HSP90AA1: variants seen among roughly 807,000 people sequenced by gnomAD.
The protein encoded by HSP90AA1 is heat shock protein 90 alpha family class A member 1.
A neutral mutation model predicts 73.3 loss-of-function variants in HSP90AA1; 18 were observed. The ratio of observed to expected loss-of-function variants is 0.25; its 90% CI spans 0.17 to 0.36. The LOEUF (loss-of-function observed/expected upper bound fraction) is 0.36, where lower values mean the gene tolerates loss of function less well. HSP90AA1 is among the 10% of genes least tolerant of loss of function. The probability of loss-of-function intolerance (pLI) is 1.00; values close to 1 mark genes in which losing one functional copy is unlikely to be tolerated. For missense variants in HSP90AA1, 704 were observed against 874.2 expected, an observed-to-expected ratio of 0.81 and a Z score of 2.45; for synonymous variants, 477 against 296.9, an observed-to-expected ratio of 1.61 and a Z score of -6.24.
At chr14:102,121,220 A>G (rs2049775168) in intron 1 of HSP90AA1, among the ~76,000 whole-genome samples, 1 of 151,954 alleles carries the variant, frequency 6.6e-6, no homozygotes, top group Non-Finnish European at 1.5e-5. Flanking sequence ...CATTTAATAT[A>G]TTTTGGATAT....
chr14:102,112,478 C>CT (rs967041995), intron 1 of HSP90AA1, among the ~76,000 whole-genome samples: 63 of 148,638 alleles, frequency 4.2e-4, no homozygotes, highest in African/African-American at 6.2e-4. Context: ...CTGGCTCTCC[C>CT]TTTTTTTTTG....
intron 4 of HSP90AA1, 147 bp downstream of exon 4, chr14:102,085,151 C>T (rs1297260075): frequency 6.8e-6 from 10 of 1,465,288 alleles, no homozygotes; most frequent in Admixed American, 1.8e-5. Context: ...CACTTAATAG[C>T]CCGAGGAACT....
In HSP90AA1 at chr14:102,082,080, T is replaced by C. The variant is rs1171120404; in HGVS notation, c.2089+31A>G. ...TCTTCAATGTCACGTGTGTTTATTT[T>C]CTTTTTAACATTACATAGTATAAGG... On this transcript the variant is annotated intron_variant, in intron 10 of 10. Transcript: ENST00000216281. 1.5e-5 allele frequency: 22 copies of C among 1,441,626 alleles called. No individual in the cohort carries two copies. In the East Asian group the frequency reaches 3.9e-4, roughly 25 times the overall value. 89.3% of individuals were successfully genotyped at this position (1,441,626 alleles called of 1,614,324 possible).
chr14:102,087,357 G>T (rs1038099494), upstream of HSP90AA1, among the ~76,000 whole-genome samples: 1 of 151,024 alleles, frequency 6.6e-6, no homozygotes, highest in South Asian at 2.1e-4. Context: ...TTCTGGGGCC[G>T]CCCGCGCCCT....
upstream of HSP90AA1, chr14:102,087,260 C>T (rs2049267836): frequency 4.4e-6 from 3 of 683,076 alleles, no homozygotes; most frequent in East Asian, 1.4e-4. Context: ...AACCTTCCCT[C>T]AATCGCCGCC....
intron 2 of HSP90AA1, among the ~76,000 whole-genome samples, chr14:102,097,054 C>A (rs1386722423): frequency 1.3e-5 from 2 of 151,950 alleles, no homozygotes; most frequent in East Asian, 3.9e-4. Flanking sequence ...GTGGAGTGAT[C>A]TCAGCTCACT....
Position 102,081,325 on chromosome 14 carries a change from A to C in HSP90AA1, c.*387T>G. On this transcript the variant is annotated 3_prime_UTR_variant, in exon 11 of 11. Coordinates refer to ENST00000216281, the MANE Select transcript of HSP90AA1 (RefSeq NM_005348.4). ...ATGAAAAGTTCAAAAAGTAGATCCT[A>C]CAAGATGTAACGAATACTTTTCTAA... The C allele has an allele frequency of 3.1e-6, 1 of 324,282 alleles. No individual in the cohort carries two copies. The highest frequency in any genetic ancestry group is 5.8e-6 in the Non-Finnish European group (1 of 173,392). The allele number at this position is 324,282 out of a possible 1,614,324, so 20.1% of individuals were successfully genotyped here. A position where few individuals can be genotyped will look rare whatever the true frequency, so the allele number is the denominator to read the frequency against.
At chr14:102,136,904 A>AT (rs1205087462) in intron 1 of HSP90AA1, among the ~76,000 whole-genome samples, 3 of 142,966 alleles carry the variant, frequency 2.1e-5, no homozygotes, top group African/African-American at 7.9e-5. Context: ...AAAAAAGGAA[A>AT]CAAAAAAAAA....
chr14:102,094,624 G>A (rs888572744), intron 2 of HSP90AA1, among the ~76,000 whole-genome samples: 2 of 152,158 alleles, frequency 1.3e-5, no homozygotes, highest in South Asian at 2.1e-4. Flanking sequence ...AGTTAGCCAG[G>A]GAACAGTGAG....
Position 102,081,316 on chromosome 14 carries a change from G to A in HSP90AA1, c.*396C>T, listed in dbSNP as rs1156601083. On this transcript the variant is annotated 3_prime_UTR_variant, in exon 11 of 11. Transcript: ENST00000216281. Reference sequence around the variant, plus strand: ...CTACAGGGAATGAAAAGTTCAAAAAGTAGATCCTACAAGATGTAACGAATA... The same window carrying A: ...CTACAGGGAATGAAAAGTTCAAAAAATAGATCCTACAAGATGTAACGAATA... 6.6e-6 allele frequency: 2 copies of A among 302,324 alleles called. No homozygotes were observed. Among genetic ancestry groups the A allele is most frequent in the Non-Finnish European group, 6.3e-6 (1 of 159,860 alleles). The allele number at this position is 302,324 out of a possible 1,614,324, so 18.7% of individuals were successfully genotyped here. A position where few individuals can be genotyped will look rare whatever the true frequency, so the allele number is the denominator to read the frequency against.
At chr14:102,121,701 A>G (rs577853900) in intron 1 of HSP90AA1, among the ~76,000 whole-genome samples, 2 of 152,334 alleles carry the variant, frequency 1.3e-5, no homozygotes, top group African/African-American at 4.8e-5. Context: ...TTTAGTTATT[A>G]GAAAACAATG....
intron 9 of HSP90AA1, 36 bp from the exon 10 acceptor site, chr14:102,082,480 G>T (rs1426002401): frequency 6.6e-7 from 1 of 1,512,766 alleles, no homozygotes; most frequent in Non-Finnish European, 9.1e-7. Flanking sequence ...AACCTAGAAA[G>T]ATTAATTCCT....
At chr14:102,134,610 AC>A (rs2152627781) in intron 1 of HSP90AA1, among the ~76,000 whole-genome samples, 1 of 151,656 alleles carries the variant, frequency 6.6e-6, no homozygotes, top group South Asian at 2.1e-4. Flanking sequence ...GAAGCTGCAG[AC>A]CTTCACGGTG....
intron 1 of HSP90AA1, among the ~76,000 whole-genome samples, chr14:102,106,221 A>G (rs1002343317): frequency 1.3e-5 from 2 of 152,186 alleles, no homozygotes. Flanking sequence ...CAGCTTTCTC[A>G]ATCAATGGTT....
chr14:102,134,612 C>CGTGA (rs1276682788), intron 1 of HSP90AA1, among the ~76,000 whole-genome samples: 1 of 151,968 alleles, frequency 6.6e-6, no homozygotes, highest in African/African-American at 2.4e-5. Context: ...AGCTGCAGAC[C>CGTGA]TTCACGGTGA....
chr14:102,090,991 T>C (rs1373308993), upstream of HSP90AA1, among the ~76,000 whole-genome samples: 2 of 152,216 alleles, frequency 1.3e-5, no homozygotes, highest in Non-Finnish European at 2.9e-5. Flanking sequence ...ACCCTTTCTA[T>C]GCATCCAGTT....
chr14:102,087,075 G>C, upstream of HSP90AA1: 1 of 984,970 alleles, frequency 1.0e-6, no homozygotes, highest in Non-Finnish European at 1.2e-6. Flanking sequence ...GCCTTATATA[G>C]CGACGGGCCC....
upstream of HSP90AA1, among the ~76,000 whole-genome samples, chr14:102,088,744 G>C (rs1367949881): frequency 6.6e-6 from 1 of 152,086 alleles, no homozygotes; most frequent in African/African-American, 2.4e-5. Context: ...CTTCCCTGGC[G>C]ACTGCCGCCT....
At chr14:102,126,290 G>T (rs550451914) in intron 1 of HSP90AA1, among the ~76,000 whole-genome samples, 1 of 152,160 alleles carries the variant, frequency 6.6e-6, no homozygotes, top group Admixed American at 6.6e-5. Context: ...AGTTACCATA[G>T]CTCAGTAAGG....
Sources: gnomAD v4.1 joint callset for allele counts (sites outside exome capture counted in the v4.1 genomes callset) on GRCh38, gnomAD v4.1.1 for gene constraint, MANE v1.5 for transcripts, NCBI Gene and HGNC (gene_info 2026-07-23, HGNC 2026-07-21) for gene names.